CREBL2: variants seen among roughly 807,000 people sequenced by gnomAD.
CREBL2 encodes the protein cAMP-responsive element-binding protein-like 2.
In CREBL2, 4 loss-of-function variants were observed where a neutral mutation model predicts 19.5. That is an observed-to-expected ratio of 0.20 (90% CI 0.10 to 0.47). CREBL2 has a LOEUF of 0.47. CREBL2 is among the 20% of genes least tolerant of loss of function. The pLI is 0.98. For missense variants in CREBL2, 85 were observed against 145.1 expected, an observed-to-expected ratio of 0.59 and a Z score of 2.13; for synonymous variants, 42 against 46.6, an observed-to-expected ratio of 0.90 and a Z score of 0.40.
chr12:12,639,744 GAGAC>G (rs1945503515), intron 3 of CREBL2, among the ~76,000 whole-genome samples: 1 of 151,712 alleles, frequency 6.6e-6, no homozygotes, highest in Non-Finnish European at 1.5e-5. Flanking sequence ...GAAATAAAGA[GAGAC>G]AGTACAAAGA....
chr12:12,615,491 T>C (rs1377069867), intron 1 of CREBL2: 1 of 152,026 alleles, frequency 6.6e-6, no homozygotes, highest in African/African-American at 2.4e-5. Context: ...GTCTAAAATA[T>C]CAACCTTCTT....
At chr12:12,636,116 A>G in intron 2 of CREBL2, 142 bp downstream of exon 2, 2 of 766,428 alleles carry the variant, frequency 2.6e-6, no homozygotes, top group Non-Finnish European at 4.1e-6. Flanking sequence ...GGATGGGGGC[A>G]AATAGGCATC....
At chr12:12,639,493 T>C (rs1945501185) in intron 3 of CREBL2, among the ~76,000 whole-genome samples, 1 of 152,202 alleles carries the variant, frequency 6.6e-6, no homozygotes. Context: ...GCCATCCTAA[T>C]GGGTATGGAG....
chr12:12,616,643 A>G (rs535816562), intron 1 of CREBL2, among the ~76,000 whole-genome samples: 7 of 152,324 alleles, frequency 4.6e-5, no homozygotes, highest in African/African-American at 1.2e-4. Context: ...AACTGTCCTT[A>G]TATAAGGCTT....
At chr12:12,630,417 T>G (rs1821511930) in intron 1 of CREBL2, among the ~76,000 whole-genome samples, 1 of 152,160 alleles carries the variant, frequency 6.6e-6, no homozygotes, top group Non-Finnish European at 1.5e-5. Context: ...TTTGCATCCC[T>G]TTTATTTCTG....
rs1566101248 is a variant in CREBL2 at position 12,612,993 on chromosome 12, T to TC, written c.15+809dup. ...TTCAAGCGATTCTCCTGCCTCAGCC[T>TC]CCCGAGCAGCTGGGATTACAGGCAT... On this transcript the variant is annotated intron_variant, in intron 1 of 3. Coordinates refer to ENST00000228865, the MANE Select transcript of CREBL2 (RefSeq NM_001310.4). 2.0e-5 allele frequency among the ~76,000 whole-genome samples: 3 copies of TC among 152,290 alleles called. No homozygotes were observed. The South Asian group carries it at 6.2e-4, about 32-fold the overall frequency.
Position 12,644,845 on chromosome 12 carries a change from A to G in CREBL2, c.*2847A>G, listed in dbSNP as rs1945552752. The G allele has an allele frequency of 6.6e-6, 1 of 152,288 alleles. No homozygotes were observed. The highest frequency in any genetic ancestry group is 2.1e-4 in the South Asian group (1 of 4,836). 9.4% of individuals were successfully genotyped at this position (152,288 alleles called of 1,614,324 possible). ...GTTTAAACTGGACTTAGCTTGAGTT[A>G]AAGGCAAAGAAAATCTAAAAACATA... On this transcript the variant is annotated 3_prime_UTR_variant, in exon 4 of 4. Transcript: ENST00000228865.
chr12:12,636,663 C>T (rs1019680903), intron 2 of CREBL2, among the ~76,000 whole-genome samples: 2 of 152,190 alleles, frequency 1.3e-5, no homozygotes, highest in African/African-American at 4.8e-5. Context: ...CCTCATGGTC[C>T]ACTCGCCTTG....
intron 3 of CREBL2, among the ~76,000 whole-genome samples, chr12:12,638,703 A>T (rs1362983214): frequency 6.6e-6 from 1 of 152,186 alleles, no homozygotes; most frequent in African/African-American, 2.4e-5. Flanking sequence ...TATTTTATAG[A>T]TGAAAAAATA....
intron 2 of CREBL2, among the ~76,000 whole-genome samples, chr12:12,637,131 G>A (rs917704090): frequency 1.3e-5 from 2 of 151,916 alleles, no homozygotes; most frequent in African/African-American, 4.8e-5. Flanking sequence ...CATGCACTCT[G>A]GTAGATAGTA....
At chr12:12,624,562 C>T (rs925252735) in intron 1 of CREBL2, among the ~76,000 whole-genome samples, 2 of 152,154 alleles carry the variant, frequency 1.3e-5, no homozygotes, top group Non-Finnish European at 2.9e-5. Context: ...TGAATGAGCA[C>T]GGGAATCGGC....
chr12:12,617,119 G>A (rs1241715806), intron 1 of CREBL2, among the ~76,000 whole-genome samples: 1 of 152,200 alleles, frequency 6.6e-6, no homozygotes, highest in African/African-American at 2.4e-5. Flanking sequence ...ATGGGGAATA[G>A]CTTTGCCTCC....
At chr12:12,612,545 T>C in intron 1 of CREBL2, among the ~76,000 whole-genome samples, 1 of 152,168 alleles carries the variant, frequency 6.6e-6, no homozygotes, top group Admixed American at 6.5e-5. Flanking sequence ...TAGTGCACGC[T>C]GAACCAGCCT....
chr12:12,627,367 G>GA (rs1259462752), intron 1 of CREBL2, among the ~76,000 whole-genome samples: 1 of 151,808 alleles, frequency 6.6e-6, no homozygotes, highest in Non-Finnish European at 1.5e-5. Flanking sequence ...ATTTAAAAAA[G>GA]AAAAAAAGAA....
chr12:12,626,492 T>G (rs1945402696), intron 1 of CREBL2, among the ~76,000 whole-genome samples: 1 of 152,246 alleles, frequency 6.6e-6, no homozygotes, highest in Non-Finnish European at 1.5e-5. Context: ...CTACCTTGAT[T>G]CTTTCCTTTC....
intron 1 of CREBL2, among the ~76,000 whole-genome samples, chr12:12,615,252 A>G (rs1430934881): frequency 6.6e-6 from 1 of 151,960 alleles, no homozygotes; most frequent in Non-Finnish European, 1.5e-5. Context: ...GGGTTTTGCC[A>G]TGTTGGCCAG....
At chr12:12,615,268 T>G (rs1426925727) in intron 1 of CREBL2, among the ~76,000 whole-genome samples, 1 of 151,820 alleles carries the variant, frequency 6.6e-6, no homozygotes, top group Admixed American at 6.6e-5. Flanking sequence ...GCCAGGCTGG[T>G]CTCGAACTCC....
At chr12:12,632,239 G>A (rs182942188) in intron 1 of CREBL2, among the ~76,000 whole-genome samples, 7,985 of 150,852 alleles carry the variant, frequency 0.053, 340 homozygotes, top group Admixed American at 0.15. Context: ...CACTACGCCC[G>A]GCTAATTTTT....
At chr12:12,618,809 A>G (rs1335613688) in intron 1 of CREBL2, among the ~76,000 whole-genome samples, 1 of 152,208 alleles carries the variant, frequency 6.6e-6, no homozygotes, top group Non-Finnish European at 1.5e-5. Context: ...CGGGCAGATC[A>G]CTCGCGGTCA....
Sources: allele counts gnomAD v4.1 joint callset (sites outside exome capture counted in the v4.1 genomes callset), GRCh38; gene constraint gnomAD v4.1.1; transcripts MANE v1.5; gene names NCBI Gene and HGNC (gene_info 2026-07-23, HGNC 2026-07-21).